The following AFG1L variants were observed in gnomAD, a reference collection of about 807,000 sequenced individuals.
The protein encoded by AFG1L is AFG1-like ATPase.
In AFG1L, 53 loss-of-function variants were observed where a neutral mutation model predicts 62.2. The observed-to-expected ratio is 0.85, with a 90% CI of 0.68 to 1.07. AFG1L has a LOEUF of 1.07. AFG1L is among the 50% of genes least tolerant of loss of function. The pLI is 0.00. For missense variants in AFG1L, 555 were observed against 590.5 expected, an observed-to-expected ratio of 0.94 and a Z score of 0.62; for synonymous variants, 228 against 210.3, an observed-to-expected ratio of 1.08 and a Z score of -0.73.
chr6:108,495,009 A>G (rs1435120938), intron 10 of AFG1L, among the ~76,000 whole-genome samples: 3 of 151,920 alleles, frequency 2.0e-5, no homozygotes, highest in African/African-American at 7.3e-5. Flanking sequence ...TCCTGACCTC[A>G]AGTGATCCAC....
rs573269559 is a variant in AFG1L, at chr6:108,364,200, C to T, written c.649-2033C>T. Among the ~76,000 whole-genome samples, 8 of 152,280 alleles carry T rather than the reference C, an allele frequency of 5.3e-5. No homozygotes were observed. The East Asian group carries it at 1.5e-3, about 29-fold the overall frequency. On this transcript the variant is annotated intron_variant, in intron 5 of 12. Coordinates refer to ENST00000368977, the MANE Select transcript of AFG1L (RefSeq NM_145315.5). ...GCCAATTGTCTTCTGTTCACTTATA[C>T]TGTAAAATTACCGTTCCCCGGCAAG...
intron 2 of AFG1L, among the ~76,000 whole-genome samples, chr6:108,340,347 CAG>C (rs1309212483): frequency 6.8e-6 from 1 of 146,820 alleles, no homozygotes; most frequent in Non-Finnish European, 1.5e-5. Flanking sequence ...TTTTTTCTAA[CAG>C]AAAGTTATAA....
chr6:108,348,925 C>G (rs1413694783), intron 3 of AFG1L, among the ~76,000 whole-genome samples: 1 of 152,046 alleles, frequency 6.6e-6, no homozygotes, highest in East Asian at 1.9e-4. Context: ...TTTAAAAACC[C>G]TATGAATGTT....
intron 5 of AFG1L, among the ~76,000 whole-genome samples, chr6:108,363,500 T>G (rs1188586054): frequency 2.0e-5 from 3 of 152,158 alleles, no homozygotes; most frequent in African/African-American, 7.2e-5. Context: ...AACATGTGTT[T>G]TGGTTGGTGA....
At chr6:108,410,700 A>T (rs927261886) in intron 7 of AFG1L, among the ~76,000 whole-genome samples, 1 of 152,136 alleles carries the variant, frequency 6.6e-6, no homozygotes, top group African/African-American at 2.4e-5. Context: ...CTGACTAAAC[A>T]TTGTCTTCTT....
intron 10 of AFG1L, among the ~76,000 whole-genome samples, chr6:108,503,375 T>C (rs1774277306): frequency 6.6e-6 from 1 of 152,234 alleles, no homozygotes; most frequent in Non-Finnish European, 1.5e-5. Flanking sequence ...AGAATGGATG[T>C]TGTGTTAACA....
At chr6:108,376,530 T>A (rs573567288) in intron 6 of AFG1L, among the ~76,000 whole-genome samples, 1 of 152,288 alleles carries the variant, frequency 6.6e-6, no homozygotes, top group African/African-American at 2.4e-5. Context: ...TACCCCAAAG[T>A]CATTCAGGAG....
chr6:108,443,599 G>C (rs893307060), intron 7 of AFG1L, among the ~76,000 whole-genome samples: 3 of 152,140 alleles, frequency 2.0e-5, no homozygotes, highest in African/African-American at 7.2e-5. Flanking sequence ...TTTTGACTGG[G>C]CGTGGTAGCT....
chr6:108,320,528 G>C (rs557165160), intron 1 of AFG1L, among the ~76,000 whole-genome samples: 1 of 152,150 alleles, frequency 6.6e-6, no homozygotes, highest in Admixed American at 6.5e-5. Flanking sequence ...GTAGGGGTTG[G>C]AGTTTCTGAA....
At chr6:108,409,528 C>T (rs180724318) in intron 7 of AFG1L, among the ~76,000 whole-genome samples, 33 of 152,120 alleles carry the variant, frequency 2.2e-4, no homozygotes, top group African/African-American at 7.2e-4. Flanking sequence ...GGAAGAACTA[C>T]CTCAGGAAAT....
chr6:108,377,856 T>C (rs1346873097), intron 6 of AFG1L, among the ~76,000 whole-genome samples: 1 of 151,628 alleles, frequency 6.6e-6, no homozygotes, highest in African/African-American at 2.4e-5. Flanking sequence ...AATTTATTTA[T>C]CCATGTTCTA....
intron 8 of AFG1L, among the ~76,000 whole-genome samples, chr6:108,471,421 A>C (rs1368840131): frequency 1.3e-5 from 2 of 151,818 alleles, no homozygotes; most frequent in Non-Finnish European, 2.9e-5. Flanking sequence ...CATAGAAATG[A>C]AATTCAGAAT....
intron 10 of AFG1L, among the ~76,000 whole-genome samples, chr6:108,486,114 A>G (rs1338177231): frequency 1.3e-5 from 2 of 152,220 alleles, no homozygotes; most frequent in East Asian, 1.9e-4. Flanking sequence ...AGAGATTGGT[A>G]AAGTGCTGAG....
chr6:108,524,488 G>T lies in AFG1L; in HGVS notation c.*2063G>T, dbSNP rs1775250360. On this transcript the variant is annotated 3_prime_UTR_variant, in exon 13 of 13. Coordinates refer to ENST00000368977, the MANE Select transcript of AFG1L (RefSeq NM_145315.5). Reference sequence around the variant, plus strand: ...GAAACAATCACGTAATGTTAGTTGGGGTGCTGGTCAAACGCATAGAAGCCT... The same window carrying T: ...GAAACAATCACGTAATGTTAGTTGGTGTGCTGGTCAAACGCATAGAAGCCT... The T allele has an allele frequency of 6.6e-6, 1 of 152,164 alleles. No individual in the cohort carries two copies. Among genetic ancestry groups the T allele is most frequent in the Non-Finnish European group, 1.5e-5 (1 of 68,028 alleles). 9.4% of individuals were successfully genotyped at this position (152,164 alleles called of 1,614,324 possible). A position where few individuals can be genotyped will look rare whatever the true frequency, so the allele number is the denominator to read the frequency against.
In AFG1L at chr6:108,324,461, A is replaced by G. The variant is rs1226680955; in HGVS notation, c.363+413A>G. On this transcript the variant is annotated intron_variant, in intron 2 of 12. Coordinates refer to ENST00000368977, the MANE Select transcript of AFG1L (RefSeq NM_145315.5). ...GAATGAAAGATTAGAGTGAAACAGC[A>G]GCCTTAAGTGACCAGTTAGTTACTG... is the stretch of plus-strand genomic sequence containing the variant. Among the ~76,000 whole-genome samples, 6 of 152,166 alleles carry G rather than the reference A, an allele frequency of 3.9e-5. No individual in the cohort carries two copies. The East Asian group carries it at 1.2e-3, about 29-fold the overall frequency.
chr6:108,463,460 A>G (rs1772545776), intron 8 of AFG1L, among the ~76,000 whole-genome samples: 1 of 143,932 alleles, frequency 6.9e-6, no homozygotes, highest in South Asian at 2.1e-4. Flanking sequence ...CTGAAATTCC[A>G]TTTTAAAAAG....
At chr6:108,357,439 C>G (rs540845339) in intron 5 of AFG1L, among the ~76,000 whole-genome samples, 16 of 152,176 alleles carry the variant, frequency 1.1e-4, no homozygotes, top group African/African-American at 3.9e-4. Flanking sequence ...GAAGAAAGTA[C>G]AAAAGAGACC....
At chr6:108,308,488 G>A (rs1777288493) in intron 1 of AFG1L, among the ~76,000 whole-genome samples, 1 of 152,066 alleles carries the variant, frequency 6.6e-6, no homozygotes, top group Non-Finnish European at 1.5e-5. Flanking sequence ...TTCATGAACA[G>A]AAGCTCCAAA....
chr6:108,405,978 C>G (rs964736662), intron 7 of AFG1L, among the ~76,000 whole-genome samples: 3 of 152,216 alleles, frequency 2.0e-5, no homozygotes, highest in African/African-American at 7.2e-5. Context: ...CTTTTTATGG[C>G]ATAATAATAT....
Sources: allele counts gnomAD v4.1 joint callset (sites outside exome capture counted in the v4.1 genomes callset), GRCh38; gene constraint gnomAD v4.1.1; transcripts MANE v1.5; gene names NCBI Gene and HGNC (gene_info 2026-07-23, HGNC 2026-07-21).